CTNND2: variants seen among roughly 807,000 people sequenced by gnomAD.
CTNND2 encodes catenin delta 2.
CTNND2 carries 22 observed loss-of-function variants against 144.4 expected under a neutral mutation model. The ratio of observed to expected loss-of-function variants is 0.15; its 90% CI spans 0.11 to 0.22. The LOEUF is 0.22. Among genes scored for constraint, CTNND2 ranks in the 10% least tolerant of loss-of-function variants. The pLI is 1.00. For missense variants in CTNND2, 1,353 were observed against 1,618.8 expected (o/e 0.84, Z 2.82); for synonymous variants, 751 against 695.6 (o/e 1.08, Z -1.25).
At chr5:11,571,818 T>C (rs1343366954) in intron 2 of CTNND2, among the ~76,000 whole-genome samples, 1 of 152,198 alleles carries the variant, frequency 6.6e-6, no homozygotes, top group Non-Finnish European at 1.5e-5. Flanking sequence ...CACACATTTT[T>C]CACACTTTAA....
intron 9 of CTNND2, among the ~76,000 whole-genome samples, chr5:11,276,600 G>T (rs2149987629): frequency 6.6e-6 from 1 of 152,298 alleles, no homozygotes; most frequent in South Asian, 2.1e-4. Flanking sequence ...GGGTTGCAAA[G>T]TGGCCCCCAA....
At chr5:11,736,049 A>G (rs553009368) in intron 1 of CTNND2, among the ~76,000 whole-genome samples, 34 of 152,326 alleles carry the variant, frequency 2.2e-4, no homozygotes, top group African/African-American at 7.7e-4. Context: ...TTAAGGGCCC[A>G]AAGTTATTAA....
chr5:11,803,824 C>G (rs969387133), intron 1 of CTNND2, among the ~76,000 whole-genome samples: 1 of 152,144 alleles, frequency 6.6e-6, no homozygotes, highest in African/African-American at 2.4e-5. Flanking sequence ...TCCCAGATAT[C>G]TGGTCTGCAA....
chr5:11,628,454 G>A (rs1268510701), intron 2 of CTNND2, among the ~76,000 whole-genome samples: 2 of 152,088 alleles, frequency 1.3e-5, no homozygotes, highest in Non-Finnish European at 2.9e-5. Context: ...GAAACTCAGA[G>A]GGCAGAAGTA....
At chr5:11,541,783 G>A (rs987776351) in intron 3 of CTNND2, among the ~76,000 whole-genome samples, 5 of 150,802 alleles carry the variant, frequency 3.3e-5, no homozygotes, top group African/African-American at 1.2e-4. Context: ...GTTCTATATG[G>A]TACAAGGCTC....
intron 1 of CTNND2, among the ~76,000 whole-genome samples, chr5:11,825,484 T>A (rs1306386186): frequency 6.6e-6 from 1 of 152,104 alleles, no homozygotes; most frequent in East Asian, 1.9e-4. Flanking sequence ...TATGGGTAAC[T>A]GGACTCCCAG....
chr5:11,404,599 ATTCTTTTTTTTTTTTTT>A (rs1760923249), intron 5 of CTNND2, among the ~76,000 whole-genome samples: 2 of 32,770 alleles, frequency 6.1e-5, no homozygotes, highest in African/African-American at 1.3e-4. Context: ...CAGTATCTGT[ATTCTTTTTTTTTTTTTT>A]TTTTTTTTTT....
intron 3 of CTNND2, among the ~76,000 whole-genome samples, chr5:11,447,401 T>C (rs1764915828): frequency 6.6e-6 from 1 of 151,346 alleles, no homozygotes; most frequent in Non-Finnish European, 1.5e-5. Flanking sequence ...GGAGTGTAAA[T>C]AGCTGTAACT....
At chr5:11,522,982 T>C in intron 3 of CTNND2, among the ~76,000 whole-genome samples, 1 of 152,224 alleles carries the variant, frequency 6.6e-6, no homozygotes, top group East Asian at 1.9e-4. Context: ...TCTCCAACAT[T>C]TCTGATATCA....
intron 9 of CTNND2, among the ~76,000 whole-genome samples, chr5:11,243,793 T>C (rs1272947762): frequency 6.6e-6 from 1 of 152,200 alleles, no homozygotes; most frequent in Non-Finnish European, 1.5e-5. Context: ...AAAAAGTTGA[T>C]GCATTGTCAC....
intron 9 of CTNND2, among the ~76,000 whole-genome samples, chr5:11,248,370 CAT>C (rs778237831): frequency 2.0e-5 from 3 of 151,640 alleles, no homozygotes; most frequent in Non-Finnish European, 4.4e-5. Flanking sequence ...CATGTGGGCA[CAT>C]GTGTATGTAT....
At chr5:11,330,025 A>G (rs996178655) in intron 9 of CTNND2, among the ~76,000 whole-genome samples, 1 of 152,198 alleles carries the variant, frequency 6.6e-6, no homozygotes, top group African/African-American at 2.4e-5. Flanking sequence ...AGCATGTTAC[A>G]TACAGGAACT....
chr5:11,129,108 T>TAC (rs1326674730), intron 12 of CTNND2, among the ~76,000 whole-genome samples: 348 of 22,824 alleles, frequency 0.015, 86 homozygotes, highest in Non-Finnish European at 0.02. Context: ...AAATAAAATA[T>TAC]ATATATTATA....
chr5:11,289,121 A>G (rs1256600558), intron 9 of CTNND2, among the ~76,000 whole-genome samples: 4 of 152,046 alleles, frequency 2.6e-5, no homozygotes, highest in African/African-American at 9.7e-5. Flanking sequence ...CTATCTGCAC[A>G]CCTTAGCACA....
At chr5:11,200,922 G>C (rs945617489) in intron 10 of CTNND2, among the ~76,000 whole-genome samples, 20 of 152,010 alleles carry the variant, frequency 1.3e-4, no homozygotes, top group African/African-American at 4.6e-4. Flanking sequence ...CTCGTGATCC[G>C]CCCGCCTCAG....
At position 11,448,086 on chromosome 5, in the gene CTNND2, T is replaced by C. The variant is rs140240821; in HGVS notation, c.288-36017A>G. Among the ~76,000 whole-genome samples, 26 of 152,214 alleles carry C rather than the reference T, an allele frequency of 1.7e-4. No individual in the cohort carries two copies. In the East Asian group the frequency reaches 4.6e-3, roughly 27 times the overall value. On this transcript the variant is annotated intron_variant, in intron 3 of 21. Transcript: ENST00000304623. ...GAGTGGAGGAAATGAAGGTGAAGGA[T>C]GAGTGGGTGTGCAGATTCACACATT...
intron 2 of CTNND2, among the ~76,000 whole-genome samples, chr5:11,689,952 A>G (rs1784819282): frequency 6.6e-6 from 1 of 152,226 alleles, no homozygotes; most frequent in African/African-American, 2.4e-5. Flanking sequence ...ATGAATCGCC[A>G]TTCTTCTTCC....
chr5:11,413,817 C>T (rs1263212346), intron 3 of CTNND2, among the ~76,000 whole-genome samples: 2 of 152,124 alleles, frequency 1.3e-5, no homozygotes, highest in Non-Finnish European at 2.9e-5. Context: ...TGGACAAATT[C>T]TCAAGGTGGT....
intron 16 of CTNND2, among the ~76,000 whole-genome samples, chr5:11,031,364 G>T (rs924881235): frequency 7.9e-5 from 12 of 152,098 alleles, no homozygotes; most frequent in African/African-American, 2.9e-4. Context: ...GCTGCTCTAG[G>T]AACATGTGCA....
Sources: gnomAD v4.1 joint callset for allele counts (sites outside exome capture counted in the v4.1 genomes callset) on GRCh38, gnomAD v4.1.1 for gene constraint, MANE v1.5 for transcripts, NCBI Gene and HGNC (gene_info 2026-07-23, HGNC 2026-07-21) for gene names.